ATP8A2: variants seen among roughly 807,000 people sequenced by gnomAD.
ATP8A2 encodes ATPase phospholipid transporting 8A2.
ATP8A2 carries 100 observed loss-of-function variants against 165.6 expected under a neutral mutation model. That is an observed-to-expected ratio of 0.60 (90% CI 0.51 to 0.71). The LOEUF (loss-of-function observed/expected upper bound fraction) is 0.71, where lower values mean the gene tolerates loss of function less well. Ranked by LOEUF, ATP8A2 falls within the 30% of genes least tolerant of loss-of-function variation. The pLI is 0.00. For synonymous variants in ATP8A2, 543 were observed against 548.8 expected (o/e 0.99, Z 0.15); for missense variants, 1,227 against 1,479.5 (o/e 0.83, Z 2.80).
chr13:25,842,561 A>G (rs959096701), intron 30 of ATP8A2, among the ~76,000 whole-genome samples: 5 of 152,172 alleles, frequency 3.3e-5, no homozygotes, highest in African/African-American at 1.2e-4. Flanking sequence ...AATCCCAGCT[A>G]CATGGGAGGC....
intron 24 of ATP8A2, among the ~76,000 whole-genome samples, chr13:25,624,801 A>G (rs2041061571): frequency 6.6e-6 from 1 of 152,194 alleles, no homozygotes; most frequent in South Asian, 2.1e-4. Flanking sequence ...CAATTTTCCT[A>G]TGACCAATCC....
chr13:25,528,419 T>A (rs1443812918), intron 2 of ATP8A2, among the ~76,000 whole-genome samples: 1 of 152,216 alleles, frequency 6.6e-6, no homozygotes, highest in Non-Finnish European at 1.5e-5. Context: ...GGGGCATGAT[T>A]TTCTCTGAGG....
At chr13:25,590,897 C>T (rs2040054627) in intron 24 of ATP8A2, among the ~76,000 whole-genome samples, 1 of 152,052 alleles carries the variant, frequency 6.6e-6, no homozygotes, top group Non-Finnish European at 1.5e-5. Flanking sequence ...TTCCAAGGCA[C>T]CACTGGCAAG....
chr13:25,556,158 G>C (rs961846608), intron 13 of ATP8A2, among the ~76,000 whole-genome samples: 1 of 152,226 alleles, frequency 6.6e-6, no homozygotes, highest in African/African-American at 2.4e-5. Flanking sequence ...TCAAATGGTA[G>C]TTCTGTATTA....
intron 10 of ATP8A2, among the ~76,000 whole-genome samples, chr13:25,547,804 A>G (rs2038698847): frequency 6.6e-6 from 1 of 152,146 alleles, no homozygotes; most frequent in African/African-American, 2.4e-5. Flanking sequence ...TACAGGTCTG[A>G]TTTCAGCTTT....
chr13:25,670,830 A>C (rs945511816), intron 24 of ATP8A2, among the ~76,000 whole-genome samples: 3 of 152,206 alleles, frequency 2.0e-5, no homozygotes, highest in African/African-American at 7.2e-5. Context: ...ATTGTTGTCC[A>C]ACTCACACTG....
At chr13:25,775,879 A>T (rs1305934513) in intron 27 of ATP8A2, among the ~76,000 whole-genome samples, 1 of 152,204 alleles carries the variant, frequency 6.6e-6, no homozygotes, top group East Asian at 1.9e-4. Context: ...GGTTCAAATA[A>T]CTATTAATAA....
At chr13:25,578,751 TTAG>T in intron 20 of ATP8A2, 61 bp from the exon 21 acceptor site, 1 of 927,424 alleles carries the variant, frequency 1.1e-6, no homozygotes, top group East Asian at 2.4e-5. Flanking sequence ...AAAGCCATGC[TTAG>T]TATGCTGGCT....
At chr13:25,404,686 A>C (rs1012970279) in intron 1 of ATP8A2, among the ~76,000 whole-genome samples, 1 of 152,080 alleles carries the variant, frequency 6.6e-6, no homozygotes, top group Non-Finnish European at 1.5e-5. Context: ...CGCGGGAGGA[A>C]GAGCAGGGTT....
chr13:25,380,244 G>A (rs577815910), intron 1 of ATP8A2, among the ~76,000 whole-genome samples: 27 of 152,238 alleles, frequency 1.8e-4, no homozygotes, highest in African/African-American at 6.0e-4. Flanking sequence ...CCTGGTCTTG[G>A]GCAAGTAGAA....
intron 24 of ATP8A2, among the ~76,000 whole-genome samples, chr13:25,694,397 T>C (rs1323800995): frequency 6.6e-6 from 1 of 152,198 alleles, no homozygotes; most frequent in Non-Finnish European, 1.5e-5. Flanking sequence ...CTGGGCCAAA[T>C]CTGTGTACCT....
At chr13:25,433,743 G>A (rs375173895) in intron 1 of ATP8A2, among the ~76,000 whole-genome samples, 5 of 152,148 alleles carry the variant, frequency 3.3e-5, no homozygotes, top group Non-Finnish European at 7.3e-5. Context: ...GCCCATCAAC[G>A]GTTGACTGGA....
Position 25,959,243 on chromosome 13 carries a change from G to A in ATP8A2, c.3184-2332G>A, listed in dbSNP as rs373863896. 2.2e-4 allele frequency among the ~76,000 whole-genome samples: 34 copies of A among 152,296 alleles called. No homozygotes were observed. The East Asian group carries it at 3.7e-3, about 16-fold the overall frequency. ...AGAGTTGAGTTTTGCCAAAATACAT[G>A]TGTTCTGTAGAAGAAACAGGAAATG... is the stretch of plus-strand genomic sequence containing the variant. On this transcript the variant is annotated intron_variant, in intron 33 of 36. Coordinates refer to ENST00000381655, the MANE Select transcript of ATP8A2 (RefSeq NM_016529.6).
chr13:25,942,892 C>T (rs1297805724), intron 33 of ATP8A2, among the ~76,000 whole-genome samples: 2 of 152,204 alleles, frequency 1.3e-5, no homozygotes, highest in African/African-American at 4.8e-5. Context: ...AAAGTAGGTC[C>T]TGATGTTTTC....
intron 27 of ATP8A2, among the ~76,000 whole-genome samples, chr13:25,812,782 C>A (rs1327360348): frequency 6.6e-6 from 1 of 151,980 alleles, no homozygotes; most frequent in Non-Finnish European, 1.5e-5. Flanking sequence ...TTTGACTCTT[C>A]AAGAAATCCT....
chr13:25,449,630 A>G (rs187495041), intron 1 of ATP8A2, among the ~76,000 whole-genome samples: 13 of 152,298 alleles, frequency 8.5e-5, no homozygotes, highest in Admixed American at 5.9e-4. Context: ...TCTGTGTTGT[A>G]TCAATTACTG....
intron 2 of ATP8A2, among the ~76,000 whole-genome samples, chr13:25,476,273 C>A (rs2035991995): frequency 6.6e-6 from 1 of 151,894 alleles, no homozygotes; most frequent in Non-Finnish European, 1.5e-5. Context: ...TACCAGCATC[C>A]TAGTTAGAAT....
At chr13:25,662,461 C>T (rs1392969607) in intron 24 of ATP8A2, among the ~76,000 whole-genome samples, 1 of 152,176 alleles carries the variant, frequency 6.6e-6, no homozygotes, top group African/African-American at 2.4e-5. Context: ...GATGTTCTAA[C>T]TTTACCTAGC....
chr13:25,683,819 C>A (rs868231704), intron 24 of ATP8A2, among the ~76,000 whole-genome samples: 2 of 151,968 alleles, frequency 1.3e-5, no homozygotes, highest in African/African-American at 4.8e-5. Flanking sequence ...TAGGTGGGGA[C>A]AGGCACTTTC....
Sources: gnomAD v4.1 joint callset for allele counts (sites outside exome capture counted in the v4.1 genomes callset) on GRCh38, gnomAD v4.1.1 for gene constraint, MANE v1.5 for transcripts, NCBI Gene and HGNC (gene_info 2026-07-23, HGNC 2026-07-21) for gene names.